CYP7B1: variants seen among roughly 807,000 people sequenced by gnomAD.
CYP7B1 encodes the protein cytochrome P450 7B1.
CYP7B1 carries 29 observed loss-of-function variants against 42.7 expected under a neutral mutation model. The observed-to-expected ratio is 0.68, with a 90% CI of 0.51 to 0.93. The LOEUF (loss-of-function observed/expected upper bound fraction) is 0.93, where lower values mean the gene tolerates loss of function less well. Ranked by LOEUF, CYP7B1 falls within the 40% of genes least tolerant of loss-of-function variation. CYP7B1 has a pLI of 0.00. For synonymous variants in CYP7B1, 235 were observed against 218.2 expected, an observed-to-expected ratio of 1.08 and a Z score of -0.68; for missense variants, 655 against 600.5, an observed-to-expected ratio of 1.09 and a Z score of -0.95.
intron 1 of CYP7B1, among the ~76,000 whole-genome samples, chr8:64,660,003 C>T (rs1445146637): frequency 6.6e-6 from 1 of 152,134 alleles, no homozygotes; most frequent in Non-Finnish European, 1.5e-5. Flanking sequence ...AAATGATGAA[C>T]ACTGAAAACA....
intron 1 of CYP7B1, among the ~76,000 whole-genome samples, chr8:64,777,705 A>G (rs1804349181): frequency 6.6e-6 from 1 of 152,076 alleles, no homozygotes; most frequent in Non-Finnish European, 1.5e-5. Flanking sequence ...TGGCCATGTT[A>G]TCTATAACCC....
chr8:64,682,629 T>C (rs995935999), intron 1 of CYP7B1, among the ~76,000 whole-genome samples: 8 of 152,178 alleles, frequency 5.3e-5, no homozygotes, highest in Non-Finnish European at 8.8e-5. Context: ...TCCCCACCTT[T>C]CCAGTATCTC....
intron 1 of CYP7B1, among the ~76,000 whole-genome samples, chr8:64,627,935 A>G (rs1007625631): frequency 1.3e-5 from 2 of 152,334 alleles, no homozygotes; most frequent in South Asian, 4.1e-4. Context: ...GCCTGATGAC[A>G]CACAGCACAG....
intron 1 of CYP7B1, among the ~76,000 whole-genome samples, chr8:64,691,490 G>GGC (rs1554532298): frequency 7.4e-5 from 11 of 149,002 alleles, no homozygotes; most frequent in Admixed American, 2.0e-4. Context: ...ACTGGGGGGG[G>GGC]GGGGTGGTGG....
chr8:64,712,977 T>C (rs1807103571), intron 1 of CYP7B1, among the ~76,000 whole-genome samples: 1 of 152,192 alleles, frequency 6.6e-6, no homozygotes, highest in African/African-American at 2.4e-5. Context: ...TACTGCCTGA[T>C]AATGCTTTAC....
chr8:64,713,182 G>A (rs1807106421), intron 1 of CYP7B1, among the ~76,000 whole-genome samples: 1 of 152,122 alleles, frequency 6.6e-6, no homozygotes, highest in South Asian at 2.1e-4. Flanking sequence ...CAAATGATCT[G>A]TTTCCAGACC....
At chr8:64,692,490 T>C (rs567218193) in intron 1 of CYP7B1, among the ~76,000 whole-genome samples, 3 of 152,308 alleles carry the variant, frequency 2.0e-5, no homozygotes, top group African/African-American at 2.4e-5. Flanking sequence ...AAAATGGTCA[T>C]GGACATTTCT....
Position 64,616,073 on chromosome 8 carries a change from G to T in CYP7B1, c.468C>A (p.Ser156Arg), listed in dbSNP as rs1363980961. 3.1e-6 allele frequency: 5 copies of T among 1,613,600 alleles called. No individual in the cohort carries two copies. The South Asian group carries it at 3.3e-5, about 11-fold the overall frequency. The change falls in exon 3 of 6, where the codon AGC becomes AGA. Residue 156 changes from serine to arginine, a missense_variant. Transcript: ENST00000310193. ...AAACTTGTTTTAGATTCTGCATCAT[G>T]CTTTCCAAGAGTATGTCCAAAGATT... ...QGKSLDILLESMMQNLKQVFE... is the reference protein window; with the variant it reads ...QGKSLDILLERMMQNLKQVFE...
chr8:64,720,967 TATAA>T (rs1229086031), intron 1 of CYP7B1, among the ~76,000 whole-genome samples: 1 of 151,878 alleles, frequency 6.6e-6, no homozygotes, highest in African/African-American at 2.4e-5. Context: ...AAATTGAATA[TATAA>T]ATAAGATATT....
chr8:64,592,958 C>T lies in CYP7B1; in HGVS notation c.*3684G>A, dbSNP rs1012415326. The stretch of plus-strand genomic sequence containing the variant: ...AGATTCTCAATGTTTTGTTTTGGTT[C>T]TACTATTCATTCCTTTTATGTCATC... On this transcript the variant is annotated 3_prime_UTR_variant, in exon 6 of 6. Coordinates refer to ENST00000310193, the MANE Select transcript of CYP7B1 (RefSeq NM_004820.5). 1.3e-5 allele frequency among the ~76,000 whole-genome samples: 2 copies of T among 152,102 alleles called. No homozygotes were observed. The highest frequency in any genetic ancestry group is 4.8e-5 in the African/African-American group (2 of 41,428).
chr8:64,798,661 GCGGCGGCTTCTCT>G lies in CYP7B1; in HGVS notation c.-87_-75del. 2 of 1,411,526 alleles carry G rather than the reference GCGGCGGCTTCTCT, an allele frequency of 1.4e-6. No homozygotes were observed. Among genetic ancestry groups the G allele is most frequent in the Admixed American group, 6.4e-5 (2 of 31,352 alleles). 87.4% of individuals were successfully genotyped at this position (1,411,526 alleles called of 1,614,324 possible). Reference sequence around the variant, plus strand: ...AGCGCGGTCGGCGACTCTGCAGCCTGCGGCGGCTTCTCTCGGCGGCGCCCCCTAGTCCAGGGCC... The same window carrying G: ...AGCGCGGTCGGCGACTCTGCAGCCTGCGGCGGCGCCCCCTAGTCCAGGGCC... On this transcript the variant is annotated 5_prime_UTR_variant, in exon 1 of 6. Coordinates refer to ENST00000310193, the MANE Select transcript of CYP7B1 (RefSeq NM_004820.5).
chr8:64,798,416 G>A (rs938575365), intron 1 of CYP7B1, 50 bp downstream of exon 1: 4 of 1,448,054 alleles, frequency 2.8e-6, no homozygotes, highest in African/African-American at 3.0e-5. Context: ...GGTCGCGCGC[G>A]GCCCGCGGGG....
downstream of CYP7B1, among the ~76,000 whole-genome samples, chr8:64,590,247 C>G (rs1805016435): frequency 6.6e-6 from 1 of 152,162 alleles, no homozygotes; most frequent in Non-Finnish European, 1.5e-5. Flanking sequence ...TCAGGCCAGT[C>G]CCTGTAAAAT....
At chr8:64,625,290 G>A (rs751383387) in intron 1 of CYP7B1, among the ~76,000 whole-genome samples, 12 of 152,054 alleles carry the variant, frequency 7.9e-5, no homozygotes, top group Non-Finnish European at 1.6e-4. Flanking sequence ...TCATTCGTAC[G>A]CCTTTGCATC....
At chr8:64,749,388 G>A (rs1289917845) in intron 1 of CYP7B1, among the ~76,000 whole-genome samples, 2 of 152,104 alleles carry the variant, frequency 1.3e-5, no homozygotes, top group Admixed American at 1.3e-4. Context: ...GCCCAGATTT[G>A]TATTTTAGAA....
chr8:64,614,084 C>T (rs995042258), intron 4 of CYP7B1, among the ~76,000 whole-genome samples: 6 of 152,162 alleles, frequency 3.9e-5, no homozygotes, highest in African/African-American at 2.4e-5. Flanking sequence ...TAAAGGATAC[C>T]GCAGGATGAA....
At chr8:64,653,724 G>C (rs1475403506) in intron 1 of CYP7B1, among the ~76,000 whole-genome samples, 1 of 152,186 alleles carries the variant, frequency 6.6e-6, no homozygotes, top group Non-Finnish European at 1.5e-5. Context: ...CAATATCCTT[G>C]ATGAACATCG....
rs752671180 is a variant in CYP7B1 at position 64,615,130 on chromosome 8, A to C, written c.953T>G (p.Val318Gly). 2.5e-5 allele frequency: 40 copies of C among 1,613,524 alleles called. 1 individual carries two copies. In the South Asian group the frequency reaches 4.4e-4, roughly 18 times the overall value. Reference protein sequence around the residue: ...LLRHPEAMAAVRDEIDRLLQS... With the variant: ...LLRHPEAMAAGRDEIDRLLQS... ...CAGCAAACGGTCAATTTCGTCACGC[A>C]CTGCTGCCATAGCTTCTGGGTGCCG... Residue 318 changes from valine to glycine, a missense_variant, in exon 4 of 6, where the codon GTG becomes GGG. By Grantham distance (109) the Val-to-Gly change is moderately radical (BLOSUM62 -3). Transcript: ENST00000310193.
At chr8:64,749,947 G>T (rs1314952916) in intron 1 of CYP7B1, among the ~76,000 whole-genome samples, 1 of 152,144 alleles carries the variant, frequency 6.6e-6, no homozygotes, top group African/African-American at 2.4e-5. Flanking sequence ...TCTTTTTATT[G>T]TGTTTACCTG....
Sources: allele counts gnomAD v4.1 joint callset (sites outside exome capture counted in the v4.1 genomes callset), GRCh38; gene constraint gnomAD v4.1.1; transcripts MANE v1.5; gene names NCBI Gene and HGNC (gene_info 2026-07-23, HGNC 2026-07-21).